Variants in HNRNPLL observed in about 807,000 individuals in gnomAD.
The protein encoded by HNRNPLL is heterogeneous nuclear ribonucleoprotein L like.
HNRNPLL carries 25 observed loss-of-function variants against 67.1 expected under a neutral mutation model. The ratio of observed to expected loss-of-function variants is 0.37; its 90% CI spans 0.27 to 0.52. HNRNPLL has a LOEUF of 0.52. Ranked by LOEUF, HNRNPLL falls within the 20% of genes least tolerant of loss-of-function variation. The probability of loss-of-function intolerance (pLI) is 0.90; values close to 1 mark genes in which losing one functional copy is unlikely to be tolerated. For synonymous variants in HNRNPLL, 267 were observed against 241.7 expected (o/e 1.10, Z -0.97); for missense variants, 542 against 673.9 (o/e 0.80, Z 2.17).
intron 1 of HNRNPLL, among the ~76,000 whole-genome samples, chr2:38,597,060 T>TC (rs2148388036): frequency 6.6e-6 from 1 of 152,294 alleles, no homozygotes; most frequent in South Asian, 2.1e-4. Flanking sequence ...CACAACTCCC[T>TC]CTTCACAGCA....
At chr2:38,581,304 C>G (rs1666522142) in intron 6 of HNRNPLL, 1 of 152,236 alleles carries the variant, frequency 6.6e-6, no homozygotes, top group Admixed American at 6.5e-5. Flanking sequence ...GAAATCAGAC[C>G]AATATATACA....
intron 12 of HNRNPLL, among the ~76,000 whole-genome samples, chr2:38,566,521 C>A (rs1407637015): frequency 6.6e-6 from 1 of 151,904 alleles, no homozygotes; most frequent in Non-Finnish European, 1.5e-5. Flanking sequence ...GAATATCTGA[C>A]AACACTCAGT....
chr2:38,598,566 C>A (rs750620185), intron 1 of HNRNPLL, among the ~76,000 whole-genome samples: 14 of 152,160 alleles, frequency 9.2e-5, no homozygotes, highest in African/African-American at 3.4e-4. Context: ...TGATGTAGAA[C>A]CAGATTTTTA....
At chr2:38,583,158 T>C (rs1666600335) in intron 4 of HNRNPLL, among the ~76,000 whole-genome samples, 1 of 152,136 alleles carries the variant, frequency 6.6e-6, no homozygotes, top group Non-Finnish European at 1.5e-5. Flanking sequence ...TAAAATTTTA[T>C]CAGTTTTTAA....
rs770091356 is a variant in HNRNPLL, at chr2:38,568,317, A to AC, written c.1475-21dup. 96 of 1,608,494 alleles carry AC rather than the reference A, an allele frequency of 6.0e-5. No individual in the cohort carries two copies. Among genetic ancestry groups the AC allele is most frequent in the Non-Finnish European group, 7.9e-5 (93 of 1,175,504 alleles). On this transcript the variant is annotated intron_variant, in intron 11 of 12. Transcript: ENST00000449105. ...CTGAAGCTAAAACAAAAAAACACAA[A>AC]CTCAGTTATTATTACTTGCTTATCA... is the stretch of plus-strand genomic sequence containing the variant.
At chr2:38,567,505 T>A (rs1197472984) in intron 12 of HNRNPLL, among the ~76,000 whole-genome samples, 1 of 152,202 alleles carries the variant, frequency 6.6e-6, no homozygotes, top group Non-Finnish European at 1.5e-5. Context: ...AAGCTTTAAC[T>A]TTTCATTTTG....
chr2:38,597,680 T>C (rs533543738), intron 1 of HNRNPLL, among the ~76,000 whole-genome samples: 46 of 149,468 alleles, frequency 3.1e-4, no homozygotes, highest in Admixed American at 8.4e-4. Flanking sequence ...ATGAGTCAAG[T>C]AACTTTTTTT....
In HNRNPLL at chr2:38,600,160, T is replaced by C. The variant is rs148162844; in HGVS notation, c.189+2278A>G. ...TAAAAACAAGATAAACAAGGCTTCA[T>C]TAGATTTCATAGTACAATGATGGTT... On this transcript the variant is annotated intron_variant, in intron 1 of 12. Transcript: ENST00000449105. 3.1e-3 allele frequency: 681 copies of C among 217,246 alleles called. 3 individuals carry two copies. Among genetic ancestry groups the C allele is most frequent in the Non-Finnish European group, 3.7e-3 (394 of 105,104 alleles). 13.5% of individuals were successfully genotyped at this position (217,246 alleles called of 1,614,324 possible).
intron 2 of HNRNPLL, among the ~76,000 whole-genome samples, chr2:38,588,135 C>G (rs925997296): frequency 6.6e-6 from 1 of 152,084 alleles, no homozygotes; most frequent in Non-Finnish European, 1.5e-5. Flanking sequence ...AATAAATTAC[C>G]CACTCTCAAA....
In HNRNPLL at chr2:38,563,388, C is replaced by T. The variant is rs895423479; in HGVS notation, c.*794G>A. On this transcript the variant is annotated 3_prime_UTR_variant, in exon 13 of 13. Transcript: ENST00000449105. ...GTACACAGATTCTCTGAAGCCCACC[C>T]ATGGATCCCAGATTATTATCTATAA... 1.3e-5 allele frequency: 2 copies of T among 152,038 alleles called. No homozygotes were observed. Among genetic ancestry groups the T allele is most frequent in the African/African-American group, 4.8e-5 (2 of 41,436 alleles). The allele number at this position is 152,038 out of a possible 1,614,324, so 9.4% of individuals were successfully genotyped here.
chr2:38,585,297 C>G (rs1332241787), intron 3 of HNRNPLL, among the ~76,000 whole-genome samples: 1 of 152,192 alleles, frequency 6.6e-6, no homozygotes, highest in Non-Finnish European at 1.5e-5. Context: ...GATTCTGTCA[C>G]TACCTAGTAG....
intron 12 of HNRNPLL, among the ~76,000 whole-genome samples, chr2:38,567,875 G>T (rs996087660): frequency 1.3e-5 from 2 of 152,132 alleles, no homozygotes; most frequent in Admixed American, 6.5e-5. Context: ...GTCAAGCCCT[G>T]AGATTACTGC....
intron 2 of HNRNPLL, among the ~76,000 whole-genome samples, chr2:38,589,944 A>G (rs1454248384): frequency 6.6e-6 from 1 of 152,212 alleles, no homozygotes; most frequent in Non-Finnish European, 1.5e-5. Flanking sequence ...AATCATTAGA[A>G]GGTCCTTATA....
At chr2:38,592,723 G>T (rs925738549) in intron 1 of HNRNPLL, among the ~76,000 whole-genome samples, 5 of 152,180 alleles carry the variant, frequency 3.3e-5, no homozygotes, top group Admixed American at 6.5e-5. Flanking sequence ...TTAAGACAAA[G>T]ATCTGTATTT....
intron 4 of HNRNPLL, among the ~76,000 whole-genome samples, chr2:38,582,476 A>G (rs1419680794): frequency 2.0e-5 from 3 of 150,416 alleles, no homozygotes; most frequent in Admixed American, 6.6e-5. Flanking sequence ...GCACCCGGCT[A>G]ATTTTTAATT....
At chr2:38,598,568 AG>A (rs1667304078) in intron 1 of HNRNPLL, among the ~76,000 whole-genome samples, 1 of 152,248 alleles carries the variant, frequency 6.6e-6, no homozygotes, top group Non-Finnish European at 1.5e-5. Flanking sequence ...ATGTAGAACC[AG>A]ATTTTTAGAT....
intron 1 of HNRNPLL, among the ~76,000 whole-genome samples, chr2:38,598,363 T>C (rs534536705): frequency 6.6e-6 from 1 of 152,170 alleles, no homozygotes; most frequent in Non-Finnish European, 1.5e-5. Context: ...ATCAAGTCCC[T>C]ATGACATCAT....
intron 1 of HNRNPLL, among the ~76,000 whole-genome samples, chr2:38,594,811 G>C (rs539195187): frequency 6.6e-6 from 1 of 152,006 alleles, no homozygotes; most frequent in Non-Finnish European, 1.5e-5. Context: ...TGAGCTGGGC[G>C]TGGTGGTGCA....
chr2:38,568,999 C>A (rs1241333783), intron 10 of HNRNPLL, 134 bp downstream of exon 10: 1 of 668,656 alleles, frequency 1.5e-6, no homozygotes, highest in Non-Finnish European at 2.6e-6. Flanking sequence ...AATAAACTAT[C>A]CAGTACCAAG....
Sources: gnomAD v4.1 joint callset for allele counts (sites outside exome capture counted in the v4.1 genomes callset) on GRCh38, gnomAD v4.1.1 for gene constraint, MANE v1.5 for transcripts, NCBI Gene and HGNC (gene_info 2026-07-23, HGNC 2026-07-21) for gene names.